The following IQCJ variants were observed in gnomAD, a reference collection of about 807,000 sequenced individuals.
The protein encoded by IQCJ is IQ domain-containing protein J.
Under a neutral mutation model 11.0 loss-of-function variants are expected in IQCJ, and 9 were observed. The ratio of observed to expected loss-of-function variants is 0.82; its 90% confidence interval spans 0.49 to 1.43. IQCJ has a LOEUF of 1.43. Among genes scored for constraint, IQCJ ranks in the 40% most tolerant of loss-of-function variants. The probability of loss-of-function intolerance (pLI) is 0.00; values close to 1 mark genes in which losing one functional copy is unlikely to be tolerated. For synonymous variants in IQCJ, 55 were observed against 51.3 expected (o/e 1.07, Z -0.31); for missense variants, 146 against 133.2 (o/e 1.10, Z -0.47).
intron 1 of IQCJ, among the ~76,000 whole-genome samples, chr3:159,243,227 A>G (rs1727042341): frequency 6.6e-6 from 1 of 152,162 alleles, no homozygotes; most frequent in South Asian, 2.1e-4. Flanking sequence ...TGAGGTAGCA[A>G]TTTCACTCCT....
rs375823449 is a variant in IQCJ, at chr3:159,234,667, A to G, written c.10-11176A>G. 2.0e-4 allele frequency among the ~76,000 whole-genome samples: 30 copies of G among 152,256 alleles called. 3 individuals carry two copies. Among genetic ancestry groups the G allele is most frequent in the Admixed American group, 1.9e-3 (29 of 15,288 alleles). On this transcript the variant is annotated intron_variant, in intron 1 of 3. Coordinates refer to ENST00000397832, the MANE Select transcript of IQCJ (RefSeq NM_001042706.3). ...TAATGTTTTAAATTGTTGAATATGT[A>G]CTTAAAGAAAAGCAATTAGGCAGCA...
chr3:159,126,988 G>T (rs889004445), intron 1 of IQCJ, among the ~76,000 whole-genome samples: 1 of 152,194 alleles, frequency 6.6e-6, no homozygotes, highest in Non-Finnish European at 1.5e-5. Flanking sequence ...GGGCAGATTT[G>T]CTTGGCCATT....
chr3:159,230,364 G>A (rs1236336266), intron 1 of IQCJ, among the ~76,000 whole-genome samples: 1 of 152,122 alleles, frequency 6.6e-6, no homozygotes. Flanking sequence ...AAGTGCATGT[G>A]TCTTTTTTGA....
chr3:159,218,418 CAAGATCAT>C (rs1250503736), intron 1 of IQCJ, among the ~76,000 whole-genome samples: 1 of 151,392 alleles, frequency 6.6e-6, no homozygotes, highest in African/African-American at 2.4e-5. Context: ...CAGATAGATG[CAAGATCAT>C]AAGTCAGTCA....
At chr3:159,246,782 G>C (rs1333151152) in intron 2 of IQCJ, among the ~76,000 whole-genome samples, 1 of 152,202 alleles carries the variant, frequency 6.6e-6, no homozygotes, top group Non-Finnish European at 1.5e-5. Flanking sequence ...TGTAATAGCT[G>C]TCCTCAAACA....
At chr3:159,241,630 C>T (rs535611597) in intron 1 of IQCJ, among the ~76,000 whole-genome samples, 1 of 152,112 alleles carries the variant, frequency 6.6e-6, no homozygotes. Flanking sequence ...GTCACAGTTC[C>T]AGTGTCCCTC....
At position 159,131,331 on chromosome 3, in the gene IQCJ, C is replaced by T. The variant is rs548984040; in HGVS notation, c.9+61890C>T. ...GCCTCACCCCCACCCAAGTCCCTCT[C>T]TACTTTTCTCCTTTTCTCTGTGCTC... On this transcript the variant is annotated intron_variant, in intron 1 of 3. Coordinates refer to ENST00000397832, the MANE Select transcript of IQCJ (RefSeq NM_001042706.3). Among the ~76,000 whole-genome samples, 18 of 152,138 alleles carry T rather than the reference C, an allele frequency of 1.2e-4. No individual in the cohort carries two copies. In the South Asian group the frequency reaches 2.9e-3, roughly 25 times the overall value.
chr3:159,130,931 G>T (rs73027661), intron 1 of IQCJ, among the ~76,000 whole-genome samples: 5,213 of 152,246 alleles, frequency 0.034, 315 homozygotes, highest in African/African-American at 0.12. Context: ...CAGAAGAAAA[G>T]TGTTAATTGC....
intron 1 of IQCJ, among the ~76,000 whole-genome samples, chr3:159,152,158 T>C (rs771505969): frequency 3.9e-5 from 6 of 152,076 alleles, no homozygotes; most frequent in African/African-American, 1.4e-4. Context: ...CACCATCTGA[T>C]TGGGGGAAAA....
At chr3:159,205,444 G>T (rs568701162) in intron 1 of IQCJ, among the ~76,000 whole-genome samples, 31 of 152,246 alleles carry the variant, frequency 2.0e-4, no homozygotes, top group African/African-American at 7.2e-4. Flanking sequence ...AGTTTTTATT[G>T]GGTTCTATTA....
chr3:159,109,252 A>G (rs539573938), intron 1 of IQCJ, among the ~76,000 whole-genome samples: 1 of 152,238 alleles, frequency 6.6e-6, no homozygotes, highest in South Asian at 2.1e-4. Context: ...AGTTCCCATA[A>G]AAGACCTTTC....
At chr3:159,230,990 C>T (rs1370273964) in intron 1 of IQCJ, among the ~76,000 whole-genome samples, 4 of 152,158 alleles carry the variant, frequency 2.6e-5, no homozygotes, top group South Asian at 2.1e-4. Context: ...TGAAATCACG[C>T]TTTTGCTGTT....
chr3:159,212,811 G>A (rs1725025597), intron 1 of IQCJ, among the ~76,000 whole-genome samples: 1 of 152,162 alleles, frequency 6.6e-6, no homozygotes, highest in South Asian at 2.1e-4. Context: ...GCCAACTTTT[G>A]TGGCAGAAGG....
At chr3:159,146,329 A>G (rs111439686) in intron 1 of IQCJ, among the ~76,000 whole-genome samples, 2 of 152,304 alleles carry the variant, frequency 1.3e-5, no homozygotes, top group South Asian at 2.1e-4. Flanking sequence ...GTAAAAAAAA[A>G]GGAGGCAGTG....
chr3:159,172,812 T>C (rs1245826966), intron 1 of IQCJ, among the ~76,000 whole-genome samples: 1 of 152,108 alleles, frequency 6.6e-6, no homozygotes, highest in Non-Finnish European at 1.5e-5. Context: ...TTTGGTTTTA[T>C]GATGAATGAT....
intron 1 of IQCJ, among the ~76,000 whole-genome samples, chr3:159,131,274 CG>C (rs1377615141): frequency 6.6e-6 from 1 of 152,110 alleles, no homozygotes; most frequent in East Asian, 1.9e-4. Context: ...TCTCTCTTAA[CG>C]TTGTGCTCTG....
intron 1 of IQCJ, among the ~76,000 whole-genome samples, chr3:159,079,584 T>C (rs1443228654): frequency 6.6e-6 from 1 of 152,148 alleles, no homozygotes; most frequent in Non-Finnish European, 1.5e-5. Flanking sequence ...GCATTTCATA[T>C]TCATTTTGGT....
At chr3:159,163,857 C>T (rs981585735) in intron 1 of IQCJ, among the ~76,000 whole-genome samples, 2 of 152,182 alleles carry the variant, frequency 1.3e-5, no homozygotes, top group African/African-American at 2.4e-5. Flanking sequence ...ACACTGCATA[C>T]ACTACGCTTG....
At chr3:159,160,008 T>A (rs956982199) in intron 1 of IQCJ, among the ~76,000 whole-genome samples, 1 of 152,284 alleles carries the variant, frequency 6.6e-6, no homozygotes, top group East Asian at 1.9e-4. Flanking sequence ...AAATTACCCA[T>A]CCTCAGGTAT....
Sources: allele counts gnomAD v4.1 joint callset (sites outside exome capture counted in the v4.1 genomes callset), GRCh38; gene constraint gnomAD v4.1.1; transcripts MANE v1.5; gene names NCBI Gene and HGNC (gene_info 2026-07-23, HGNC 2026-07-21).